FSTL5: variants seen among roughly 807,000 people sequenced by gnomAD.
FSTL5 encodes follistatin like 5, also known as follistatin-related protein 5.
Under a neutral mutation model 89.1 loss-of-function variants are expected in FSTL5, and 62 were observed. The ratio of observed to expected loss-of-function variants is 0.70; its 90% CI spans 0.57 to 0.86. The LOEUF (loss-of-function observed/expected upper bound fraction) is 0.86. Ranked by LOEUF, FSTL5 falls within the 40% of genes least tolerant of loss-of-function variation. The pLI, the probability that FSTL5 is intolerant of heterozygous loss-of-function variation, is 0.00. For synonymous variants in FSTL5, 383 were observed against 346.2 expected, an observed-to-expected ratio of 1.11 and a Z score of -1.18; for missense variants, 1,057 against 1,001.6, an observed-to-expected ratio of 1.06 and a Z score of -0.75.
chr4:161,984,841 T>C (rs576069667), intron 3 of FSTL5, among the ~76,000 whole-genome samples: 1 of 152,150 alleles, frequency 6.6e-6, no homozygotes, highest in East Asian at 1.9e-4. Context: ...TCAGAATAGT[T>C]TTTTAAAATT....
At chr4:161,522,868 A>G (rs1442170495) in intron 10 of FSTL5, among the ~76,000 whole-genome samples, 1 of 151,852 alleles carries the variant, frequency 6.6e-6, no homozygotes, top group African/African-American at 2.4e-5. Flanking sequence ...TATCTCATTT[A>G]TTATATTTTC....
At position 161,459,725 on chromosome 4, in the gene FSTL5, T is replaced by A. The variant is rs79982794; in HGVS notation, c.1609-406A>T. 4.5e-3 allele frequency among the ~76,000 whole-genome samples: 687 copies of A among 152,060 alleles called. 5 individuals are homozygous for A. Among genetic ancestry groups the A allele is most frequent in the African/African-American group, 0.016 (671 of 41,534 alleles). ...TTAAGTGTTGAATACAGGTGAGAAC[T>A]ATGTTTACACTATTAGATTTATTTT... On this transcript the variant is annotated intron_variant, in intron 13 of 15. Transcript: ENST00000306100.
intron 5 of FSTL5, among the ~76,000 whole-genome samples, chr4:161,775,283 T>A (rs904705740): frequency 6.6e-6 from 1 of 152,148 alleles, no homozygotes; most frequent in South Asian, 2.1e-4. Context: ...ATTTTTCTGC[T>A]GCCTAATTGG....
At chr4:162,133,902 C>T (rs1005434710) in intron 1 of FSTL5, among the ~76,000 whole-genome samples, 1 of 152,132 alleles carries the variant, frequency 6.6e-6, no homozygotes, top group African/African-American at 2.4e-5. Context: ...ACCAGTTGTT[C>T]TCTGAGATTC....
At chr4:161,552,996 G>A (rs1287326826) in intron 8 of FSTL5, among the ~76,000 whole-genome samples, 3 of 151,642 alleles carry the variant, frequency 2.0e-5, no homozygotes, top group Non-Finnish European at 4.4e-5. Context: ...ATGAAAAAAA[G>A]AAACTGATAA....
chr4:161,910,125 C>T (rs1733648648), intron 4 of FSTL5, among the ~76,000 whole-genome samples: 1 of 152,078 alleles, frequency 6.6e-6, no homozygotes. Context: ...GCGATTAATT[C>T]AGCCCAATCT....
intron 15 of FSTL5, among the ~76,000 whole-genome samples, chr4:161,416,803 C>A (rs1409130175): frequency 1.3e-5 from 2 of 150,856 alleles, no homozygotes; most frequent in Non-Finnish European, 3.0e-5. Flanking sequence ...CAAGATCATG[C>A]CACCACACTC....
intron 4 of FSTL5, among the ~76,000 whole-genome samples, chr4:161,882,288 C>T (rs1732658426): frequency 6.6e-6 from 1 of 152,048 alleles, no homozygotes; most frequent in Admixed American, 6.6e-5. Context: ...ACCCGTCTAA[C>T]CTTAAATTGT....
intron 13 of FSTL5, among the ~76,000 whole-genome samples, chr4:161,475,269 T>C (rs958367995): frequency 1.1e-4 from 16 of 152,184 alleles, no homozygotes; most frequent in African/African-American, 3.9e-4. Context: ...TTGATCTTCA[T>C]GGATGCTTAT....
At chr4:161,457,284 G>T (rs780149049) in intron 14 of FSTL5, among the ~76,000 whole-genome samples, 2 of 152,018 alleles carry the variant, frequency 1.3e-5, no homozygotes, top group Non-Finnish European at 2.9e-5. Flanking sequence ...CTTTTTAAAG[G>T]ATACTTCTCA....
chr4:161,594,773 T>C (rs1396805174), intron 7 of FSTL5, among the ~76,000 whole-genome samples: 1 of 151,926 alleles, frequency 6.6e-6, no homozygotes, highest in Non-Finnish European at 1.5e-5. Context: ...ATAGACCTTT[T>C]CAATATATTT....
chr4:161,532,133 A>G (rs1015000922), intron 10 of FSTL5, among the ~76,000 whole-genome samples: 30 of 151,754 alleles, frequency 2.0e-4, no homozygotes, highest in Admixed American at 3.9e-4. Flanking sequence ...TGAACCCGGG[A>G]GGCAGAGCTT....
chr4:161,917,781 G>A (rs542252397), intron 4 of FSTL5, among the ~76,000 whole-genome samples: 53 of 152,256 alleles, frequency 3.5e-4, no homozygotes, highest in African/African-American at 1.3e-3. Flanking sequence ...TTAGCATTTA[G>A]AGGCCATAAA....
At chr4:162,138,951 T>C (rs1464489966) in intron 1 of FSTL5, among the ~76,000 whole-genome samples, 1 of 152,118 alleles carries the variant, frequency 6.6e-6, no homozygotes, top group Non-Finnish European at 1.5e-5. Context: ...AAATAATACT[T>C]AAATAAATGG....
At chr4:161,844,954 CAAAAATAAT>C (rs563621407) in intron 4 of FSTL5, among the ~76,000 whole-genome samples, 68 of 151,606 alleles carry the variant, frequency 4.5e-4, no homozygotes, top group African/African-American at 1.6e-3. Flanking sequence ...AAAACTACAC[CAAAAATAAT>C]AAAAATAAAA....
intron 4 of FSTL5, among the ~76,000 whole-genome samples, chr4:161,880,317 A>C (rs750863852): frequency 4.6e-5 from 7 of 152,012 alleles, no homozygotes; most frequent in Non-Finnish European, 7.4e-5. Flanking sequence ...TATTTTAATA[A>C]ATCTAACATT....
At chr4:162,153,231 T>C (rs1404764837) in intron 1 of FSTL5, among the ~76,000 whole-genome samples, 1 of 152,082 alleles carries the variant, frequency 6.6e-6, no homozygotes, top group Non-Finnish European at 1.5e-5. Flanking sequence ...GTTATAATTA[T>C]GGATAAAAAC....
At chr4:162,025,295 T>G (rs1040347848) in intron 3 of FSTL5, among the ~76,000 whole-genome samples, 2 of 152,182 alleles carry the variant, frequency 1.3e-5, no homozygotes, top group African/African-American at 4.8e-5. Flanking sequence ...TAACATTATA[T>G]GAAATTGAGG....
At chr4:161,600,250 A>G (rs78770092) in intron 7 of FSTL5, among the ~76,000 whole-genome samples, 2,675 of 151,840 alleles carry the variant, frequency 0.018, 42 homozygotes, top group South Asian at 0.047. Context: ...AAAATAAGCT[A>G]TATGTCTTAG....
Sources: gnomAD v4.1 joint callset for allele counts (sites outside exome capture counted in the v4.1 genomes callset) on GRCh38, gnomAD v4.1.1 for gene constraint, MANE v1.5 for transcripts, NCBI Gene and HGNC (gene_info 2026-07-23, HGNC 2026-07-21) for gene names.